Variants in HCN1 observed in about 807,000 individuals in gnomAD.
HCN1 encodes hyperpolarization activated cyclic nucleotide gated potassium channel 1.
HCN1 carries 13 observed loss-of-function variants against 78.9 expected under a neutral mutation model. The observed-to-expected ratio is 0.16, with a 90% CI of 0.11 to 0.26. HCN1 has a LOEUF of 0.26. HCN1 is among the 10% of genes least tolerant of loss of function. The pLI, the probability that HCN1 is intolerant of heterozygous loss-of-function variation, is 1.00. For missense variants in HCN1, 810 were observed against 1,154.3 expected, an observed-to-expected ratio of 0.70 and a Z score of 4.32; for synonymous variants, 552 against 455.5, an observed-to-expected ratio of 1.21 and a Z score of -2.70.
chr5:45,339,871 T>C (rs889931966), intron 5 of HCN1, among the ~76,000 whole-genome samples: 6 of 152,138 alleles, frequency 3.9e-5, no homozygotes, highest in African/African-American at 1.4e-4. Flanking sequence ...TGAAGATCAG[T>C]GTAAATTATG....
At chr5:45,674,374 G>C (rs1236664391) in intron 1 of HCN1, among the ~76,000 whole-genome samples, 1 of 151,604 alleles carries the variant, frequency 6.6e-6, no homozygotes, top group African/African-American at 2.4e-5. Flanking sequence ...TGAATAAAAA[G>C]AGGAAAACAT....
chr5:45,580,780 C>T (rs2696019), intron 2 of HCN1, among the ~76,000 whole-genome samples: 6,913 of 152,128 alleles, frequency 0.045, 554 homozygotes, highest in African/African-American at 0.16. Context: ...TGAGTGAGAA[C>T]ATGCGGTGTT....
chr5:45,323,732 C>G (rs771090116), intron 5 of HCN1, among the ~76,000 whole-genome samples: 1 of 151,836 alleles, frequency 6.6e-6, no homozygotes, highest in African/African-American at 2.4e-5. Context: ...AACCCCACGA[C>G]AGGCCCGGTG....
chr5:45,332,863 A>G (rs929983600), intron 5 of HCN1, among the ~76,000 whole-genome samples: 1 of 151,740 alleles, frequency 6.6e-6, no homozygotes, highest in African/African-American at 2.4e-5. Context: ...TTGTATAAGT[A>G]TCACATTTTC....
chr5:45,601,257 C>T (rs1012963301), intron 2 of HCN1, among the ~76,000 whole-genome samples: 6 of 152,008 alleles, frequency 3.9e-5, no homozygotes, highest in African/African-American at 1.4e-4. Flanking sequence ...CAAAAAAAAT[C>T]TAATGAAGTG....
At chr5:45,610,627 A>T (rs980962442) in intron 2 of HCN1, among the ~76,000 whole-genome samples, 5 of 150,310 alleles carry the variant, frequency 3.3e-5, no homozygotes, top group Admixed American at 6.6e-5. Flanking sequence ...TATTTTTCTT[A>T]ATTATTAGAT....
intron 3 of HCN1, among the ~76,000 whole-genome samples, 172 bp from the exon 4 acceptor site, chr5:45,396,882 A>G (rs142241406): frequency 6.6e-5 from 10 of 152,326 alleles, no homozygotes; most frequent in Admixed American, 6.5e-4. Context: ...ATGTTTTTCA[A>G]ATCTTTCTTA....
At chr5:45,610,899 A>G (rs1297788559) in intron 2 of HCN1, among the ~76,000 whole-genome samples, 1 of 152,106 alleles carries the variant, frequency 6.6e-6, no homozygotes. Flanking sequence ...ACAATCTAAA[A>G]GAGAAGTATG....
At chr5:45,295,842 T>A (rs1044316892) in intron 6 of HCN1, among the ~76,000 whole-genome samples, 1 of 151,970 alleles carries the variant, frequency 6.6e-6, no homozygotes, top group African/African-American at 2.4e-5. Context: ...AGTATAAAAT[T>A]TGGTGTTATT....
chr5:45,477,652 T>C (rs1447708013), intron 2 of HCN1, among the ~76,000 whole-genome samples: 1 of 152,126 alleles, frequency 6.6e-6, no homozygotes, highest in Non-Finnish European at 1.5e-5. Context: ...AACAATAACA[T>C]TTTAGTCAAA....
intron 4 of HCN1, among the ~76,000 whole-genome samples, chr5:45,372,219 A>AT (rs1561128149): frequency 7.0e-5 from 5 of 71,020 alleles, no homozygotes; most frequent in Non-Finnish European, 9.1e-5. Context: ...ATATAATATA[A>AT]TATATATAAT....
chr5:45,353,464 G>A (rs1746951559), intron 4 of HCN1, among the ~76,000 whole-genome samples: 1 of 151,988 alleles, frequency 6.6e-6, no homozygotes, highest in African/African-American at 2.4e-5. Context: ...TTCATGGAAA[G>A]AACTAAGATA....
At chr5:45,299,569 C>A (rs902788835) in intron 6 of HCN1, among the ~76,000 whole-genome samples, 2 of 151,672 alleles carry the variant, frequency 1.3e-5, no homozygotes, top group African/African-American at 2.4e-5. Context: ...TTTTTTAAAG[C>A]TTTCCAGGAG....
intron 1 of HCN1, among the ~76,000 whole-genome samples, chr5:45,649,021 C>T (rs1745626620): frequency 6.6e-6 from 1 of 151,962 alleles, no homozygotes; most frequent in African/African-American, 2.4e-5. Flanking sequence ...CCTCTTTTAA[C>T]AACTGAGGAC....
chr5:45,647,480 C>A (rs1244638082), intron 1 of HCN1, among the ~76,000 whole-genome samples: 1 of 152,088 alleles, frequency 6.6e-6, no homozygotes, highest in African/African-American at 2.4e-5. Flanking sequence ...GCTGTTGTTC[C>A]CCTGGGTGTC....
chr5:45,588,639 T>C (rs1300910913), intron 2 of HCN1, among the ~76,000 whole-genome samples: 1 of 152,168 alleles, frequency 6.6e-6, no homozygotes, highest in African/African-American at 2.4e-5. Context: ...TCTTTATCTT[T>C]TAACTACTAC....
Position 45,303,034 on chromosome 5 carries a change from T to C in HCN1, c.1618+565A>G, listed in dbSNP as rs1745658427. ...AATATAGAAACAATACAAATTTCTGTAAATTTTTAGCAAGGTAAATTGCCA... is the reference window on the plus strand; with the variant it reads ...AATATAGAAACAATACAAATTTCTGCAAATTTTTAGCAAGGTAAATTGCCA... On this transcript the variant is annotated intron_variant, in intron 6 of 7. Coordinates refer to ENST00000303230, the MANE Select transcript of HCN1 (RefSeq NM_021072.4). 2.0e-5 allele frequency among the ~76,000 whole-genome samples: 3 copies of C among 152,112 alleles called. No homozygotes were observed. The South Asian group carries it at 6.2e-4, about 31-fold the overall frequency.
chr5:45,349,494 T>G (rs1746836696), intron 5 of HCN1, among the ~76,000 whole-genome samples: 2 of 151,838 alleles, frequency 1.3e-5, no homozygotes, highest in East Asian at 1.9e-4. Context: ...ACATTCAAAA[T>G]CTAGCAGAAG....
At chr5:45,411,020 C>T (rs1235054967) in intron 3 of HCN1, among the ~76,000 whole-genome samples, 1 of 152,042 alleles carries the variant, frequency 6.6e-6, no homozygotes, top group African/African-American at 2.4e-5. Flanking sequence ...AACACAACTT[C>T]TTAGATCAAC....
Sources: gnomAD v4.1 joint callset for allele counts (sites outside exome capture counted in the v4.1 genomes callset) on GRCh38, gnomAD v4.1.1 for gene constraint, MANE v1.5 for transcripts, NCBI Gene and HGNC (gene_info 2026-07-23, HGNC 2026-07-21) for gene names.